PRKN: variants seen among roughly 807,000 people sequenced by gnomAD.
PRKN encodes E3 ubiquitin-protein ligase parkin.
Under a neutral mutation model 59.5 loss-of-function variants are expected in PRKN, and 56 were observed. That is an observed-to-expected ratio of 0.94 (90% CI 0.76 to 1.18). The LOEUF (loss-of-function observed/expected upper bound fraction) is 1.18. PRKN is among the 50% of genes most tolerant of loss of function. The pLI is 0.00. For missense variants in PRKN, 657 were observed against 596.4 expected (o/e 1.10, Z -1.06); for synonymous variants, 250 against 222.1 (o/e 1.13, Z -1.12).
At chr6:162,389,192 G>A (rs1035058130) in intron 2 of PRKN, among the ~76,000 whole-genome samples, 13 of 151,932 alleles carry the variant, frequency 8.6e-5, no homozygotes, top group South Asian at 4.2e-4. Flanking sequence ...GGTGGTGTGC[G>A]CAGGGCTGGG....
intron 5 of PRKN, among the ~76,000 whole-genome samples, chr6:161,999,269 C>T (rs1027092197): frequency 1.3e-5 from 2 of 152,044 alleles, no homozygotes; most frequent in Non-Finnish European, 2.9e-5. Flanking sequence ...AATTGACAAC[C>T]TGCTTGGGGT....
intron 7 of PRKN, among the ~76,000 whole-genome samples, chr6:161,621,518 G>T (rs1171281562): frequency 6.6e-6 from 1 of 152,028 alleles, no homozygotes; most frequent in Non-Finnish European, 1.5e-5. Flanking sequence ...GTTTTCCTTT[G>T]TTTTTCCTCT....
intron 1 of PRKN, among the ~76,000 whole-genome samples, chr6:162,617,067 G>A (rs1782451936): frequency 6.6e-6 from 1 of 152,020 alleles, no homozygotes; most frequent in South Asian, 2.1e-4. Context: ...GATAATAATT[G>A]TACATAATTA....
At chr6:162,098,654 T>G (rs1779843786) in intron 4 of PRKN, among the ~76,000 whole-genome samples, 1 of 152,228 alleles carries the variant, frequency 6.6e-6, no homozygotes, top group Admixed American at 6.5e-5. Context: ...AGAAAATCCT[T>G]CCTTCCTATA....
At chr6:162,427,511 C>T (rs903429932) in intron 2 of PRKN, among the ~76,000 whole-genome samples, 7 of 152,264 alleles carry the variant, frequency 4.6e-5, no homozygotes, top group East Asian at 1.9e-4. Context: ...TCCACTAACA[C>T]GCATTAATCT....
At chr6:161,857,824 G>T (rs143743435) in intron 6 of PRKN, among the ~76,000 whole-genome samples, 4,034 of 152,288 alleles carry the variant, frequency 0.026, 76 homozygotes, top group South Asian at 0.066. Flanking sequence ...CGAGTTTACT[G>T]CTAAGGTGTG....
intron 5 of PRKN, among the ~76,000 whole-genome samples, chr6:161,989,710 A>G (rs565048835): frequency 6.6e-6 from 1 of 152,186 alleles, no homozygotes; most frequent in Admixed American, 6.5e-5. Flanking sequence ...AGACCTGGGG[A>G]TTGATCTGCC....
chr6:162,664,665 T>C (rs1354128225), intron 1 of PRKN, among the ~76,000 whole-genome samples: 1 of 152,220 alleles, frequency 6.6e-6, no homozygotes, highest in East Asian at 1.9e-4. Flanking sequence ...ATTTTTTTCA[T>C]ATGTTTGTTG....
intron 6 of PRKN, among the ~76,000 whole-genome samples, chr6:161,965,209 T>C (rs1718182321): frequency 6.6e-6 from 1 of 152,098 alleles, no homozygotes; most frequent in Non-Finnish European, 1.5e-5. Context: ...GTGGCATTGC[T>C]TCAATAAGCC....
At chr6:162,718,975 G>C (rs1339563923) in intron 1 of PRKN, among the ~76,000 whole-genome samples, 1 of 151,900 alleles carries the variant, frequency 6.6e-6, no homozygotes, top group African/African-American at 2.4e-5. Context: ...CACGAGAAAG[G>C]GACAATGAAT....
At position 161,378,476 on chromosome 6, in the gene PRKN, G is replaced by A. The variant is rs12215774; in HGVS notation, c.1167+8318C>T. ...CCAACTAACTGGCCAGTGGGTGTCA[G>A]GTGGATCACAGTGACACCAGGGAAG... On this transcript the variant is annotated intron_variant, in intron 10 of 11. Coordinates refer to ENST00000366898, the MANE Select transcript of PRKN (RefSeq NM_004562.3). The surrounding 1 kb of genome is among the most constrained non-coding windows in gnomAD (Gnocchi z 7.3). Among the ~76,000 whole-genome samples the A allele has an allele frequency of 1.6e-4, 24 of 152,152 alleles. No individual in the cohort carries two copies. Among genetic ancestry groups the A allele is most frequent in the African/African-American group, 5.6e-4 (23 of 41,440 alleles).
At chr6:161,788,691 C>G (rs1209234765) in intron 6 of PRKN, among the ~76,000 whole-genome samples, 2 of 147,688 alleles carry the variant, frequency 1.4e-5, no homozygotes. Flanking sequence ...ATGTAACTCC[C>G]TTGAAGAAAC....
intron 6 of PRKN, among the ~76,000 whole-genome samples, chr6:161,930,372 T>C (rs948130627): frequency 5.9e-5 from 9 of 152,230 alleles, no homozygotes; most frequent in African/African-American, 2.2e-4. Flanking sequence ...AGGAGTGATG[T>C]ATGATGTGCA....
chr6:161,619,100 G>A (rs1782797514), intron 7 of PRKN, among the ~76,000 whole-genome samples: 1 of 152,098 alleles, frequency 6.6e-6, no homozygotes, highest in Non-Finnish European at 1.5e-5. Context: ...GGTCTGAAAG[G>A]TCATTTTGTT....
At chr6:161,884,199 C>T (rs1395601657) in intron 6 of PRKN, among the ~76,000 whole-genome samples, 1 of 152,106 alleles carries the variant, frequency 6.6e-6, no homozygotes, top group Non-Finnish European at 1.5e-5. Flanking sequence ...TTCATGAAAA[C>T]ACACTGATGA....
chr6:161,409,987 G>A lies in PRKN; in HGVS notation c.1084-23110C>T, dbSNP rs1320813563. ...AGGAAGATTAAATTCTGTCTCATGTGTATCATGAATAAAAGTGCTAAGCCA... is the reference window on the plus strand; with the variant it reads ...AGGAAGATTAAATTCTGTCTCATGTATATCATGAATAAAAGTGCTAAGCCA... On this transcript the variant is annotated intron_variant, in intron 9 of 11. Coordinates refer to ENST00000366898, the MANE Select transcript of PRKN (RefSeq NM_004562.3). The surrounding 1 kb of genome is among the most constrained non-coding windows in gnomAD (Gnocchi z 4.6). Among the ~76,000 whole-genome samples the A allele has an allele frequency of 2.0e-5, 3 of 152,176 alleles. No homozygotes were observed. Among genetic ancestry groups the A allele is most frequent in the African/African-American group, 7.2e-5 (3 of 41,422 alleles).
chr6:161,619,659 A>C (rs1782820308), intron 7 of PRKN, among the ~76,000 whole-genome samples: 1 of 152,190 alleles, frequency 6.6e-6, no homozygotes, highest in Non-Finnish European at 1.5e-5. Flanking sequence ...ATGAAGCAGC[A>C]GTAGCCCTTG....
At chr6:162,353,157 A>T (rs1201985067) in intron 2 of PRKN, among the ~76,000 whole-genome samples, 1 of 152,144 alleles carries the variant, frequency 6.6e-6, no homozygotes, top group Non-Finnish European at 1.5e-5. Flanking sequence ...ATCGTGTGGC[A>T]GGTTGATTTA....
chr6:161,715,495 T>C (rs1042734905), intron 7 of PRKN, among the ~76,000 whole-genome samples: 4 of 152,192 alleles, frequency 2.6e-5, no homozygotes, highest in Admixed American at 6.5e-5. Context: ...ATGTGTTCAT[T>C]AAAAATAAAG....
Sources: allele counts gnomAD v4.1 joint callset (sites outside exome capture counted in the v4.1 genomes callset), GRCh38; gene constraint gnomAD v4.1.1; non-coding constraint Gnocchi (gnomAD v3.1); transcripts MANE v1.5; gene names NCBI Gene and HGNC (gene_info 2026-07-23, HGNC 2026-07-21).